AGMO: variants seen among roughly 807,000 people sequenced by gnomAD.
The protein encoded by AGMO is glyceryl-ether monooxygenase.
In AGMO, 75 loss-of-function variants were observed where a neutral mutation model predicts 60.2. The ratio of observed to expected loss-of-function variants is 1.25; its 90% CI spans 1.03 to 1.51. AGMO has a LOEUF of 1.51. AGMO is among the 40% of genes most tolerant of loss of function. The probability of loss-of-function intolerance (pLI) is 0.00; values close to 1 mark genes in which losing one functional copy is unlikely to be tolerated. For synonymous variants in AGMO, 261 were observed against 177.1 expected (o/e 1.47, Z -3.76); for missense variants, 763 against 525.5 (o/e 1.45, Z -4.42).
chr7:15,250,247 A>G (rs1168126013), intron 12 of AGMO, among the ~76,000 whole-genome samples: 1 of 152,184 alleles, frequency 6.6e-6, no homozygotes, highest in Non-Finnish European at 1.5e-5. Context: ...TTGGTTATCA[A>G]AAAAGTATTT....
intron 12 of AGMO, among the ~76,000 whole-genome samples, chr7:15,315,280 T>C (rs1287966650): frequency 6.6e-6 from 1 of 150,812 alleles, no homozygotes; most frequent in African/African-American, 2.4e-5. Flanking sequence ...TTTTTAAGTA[T>C]GATTGAGATG....
At chr7:15,147,422 G>A in the AGMO span, among the ~76,000 whole-genome samples, 10 of 152,240 alleles carry the variant, frequency 6.6e-5, no homozygotes, top group East Asian at 1.2e-3. Context: ...GAGAGAGGAC[G>A]TGTAGGGGAA....
intron 5 of AGMO, among the ~76,000 whole-genome samples, chr7:15,402,345 A>T (rs76532307): frequency 0.11 from 16,238 of 144,174 alleles, 1,118 homozygotes; most frequent in South Asian, 0.21. Context: ...TTGTTCATTT[A>T]TTCTTTCATC....
intron 3 of AGMO, among the ~76,000 whole-genome samples, chr7:15,432,225 T>C (rs1453224185): frequency 6.6e-6 from 1 of 151,256 alleles, no homozygotes; most frequent in African/African-American, 2.4e-5. Context: ...GTTAATTTTC[T>C]TTGCAGTTGC....
chr7:15,277,892 G>A (rs192116712), intron 12 of AGMO, among the ~76,000 whole-genome samples: 28 of 152,268 alleles, frequency 1.8e-4, no homozygotes, highest in African/African-American at 6.7e-4. Context: ...ATATCCCAAT[G>A]ATGACAAGGG....
rs117311657 is a variant in AGMO, at chr7:15,426,998, A to C, written c.513+4007T>G. On this transcript the variant is annotated intron_variant, in intron 4 of 12. Coordinates refer to ENST00000342526, the MANE Select transcript of AGMO (RefSeq NM_001004320.2). Reference sequence around the variant, plus strand: ...TCTATTATATTCCTTTCTCTAAACTATAGGCAGAGTTAGCTTCATTCGAAT... The same window carrying C: ...TCTATTATATTCCTTTCTCTAAACTCTAGGCAGAGTTAGCTTCATTCGAAT... Among the ~76,000 whole-genome samples, 923 of 152,288 alleles carry C rather than the reference A, an allele frequency of 6.1e-3. 3 individuals carry two copies. Among genetic ancestry groups the C allele is most frequent in the Middle Eastern group, 0.027 (8 of 294 alleles).
In AGMO at chr7:15,561,719, C is replaced by G; in HGVS notation, c.126+1G>C. ...AGTAGCCTCTTCCAATAAAGTCTCA[C>G]CTTTTTTACATAATCAGGCACCTCT... On this transcript the variant is annotated splice_donor_variant, in intron 1 of 12. Coordinates refer to ENST00000342526, the MANE Select transcript of AGMO (RefSeq NM_001004320.2). LOFTEE classifies it high-confidence loss of function. The G allele has an allele frequency of 6.2e-7, 1 of 1,602,880 alleles. No homozygotes were observed. The highest frequency in any genetic ancestry group is 8.5e-7 in the Non-Finnish European group (1 of 1,173,580).
chr7:15,272,764 T>G (rs1224205442), intron 12 of AGMO, among the ~76,000 whole-genome samples: 10 of 152,200 alleles, frequency 6.6e-5, no homozygotes, highest in Admixed American at 6.5e-4. Flanking sequence ...AAAGTGTTCC[T>G]ATTTCTCCAC....
intron 4 of AGMO, among the ~76,000 whole-genome samples, chr7:15,424,401 A>G (rs1012169772): frequency 1.3e-5 from 2 of 152,202 alleles, no homozygotes; most frequent in Non-Finnish European, 2.9e-5. Context: ...CCACTTGTAC[A>G]TTTTAAATAT....
chr7:15,316,105 C>A (rs1221526812), intron 12 of AGMO, among the ~76,000 whole-genome samples: 1 of 152,164 alleles, frequency 6.6e-6, no homozygotes, highest in African/African-American at 2.4e-5. Context: ...ATCAAAATGG[C>A]AGCCACTAGA....
chr7:15,399,132 A>C (rs1784483720), intron 5 of AGMO, among the ~76,000 whole-genome samples: 1 of 152,146 alleles, frequency 6.6e-6, no homozygotes, highest in Non-Finnish European at 1.5e-5. Context: ...CTCTGAAGCA[A>C]TGCTCTAAAT....
chr7:15,248,227 T>TATATATATGTATATATA (rs1413598774), intron 12 of AGMO, among the ~76,000 whole-genome samples: 1 of 118,126 alleles, frequency 8.5e-6, no homozygotes, highest in Admixed American at 9.1e-5. Flanking sequence ...TATATATATC[T>TATATATATGTATATATA]TCATCTTCAA....
chr7:15,529,654 T>TGGAA lies in AGMO; in HGVS notation c.409+15117_409+15118insTTCC, dbSNP rs1583651081. Among the ~76,000 whole-genome samples, 2 of 26,608 alleles carry TGGAA rather than the reference T, an allele frequency of 7.5e-5. 1 individual carries two copies. Among genetic ancestry groups the TGGAA allele is most frequent in the African/African-American group, 3.3e-4 (2 of 6,068 alleles). The allele number at this position is 26,608 out of a possible 152,430, so 17.5% of individuals were successfully genotyped here. On this transcript the variant is annotated intron_variant, in intron 3 of 12. Transcript: ENST00000342526. ...ATAGAATATATATATATACTATATA[T>TGGAA]TCTATATATATTCTATATATATTCT...
chr7:15,500,420 A>G, intron 3 of AGMO, among the ~76,000 whole-genome samples: 1 of 151,938 alleles, frequency 6.6e-6, no homozygotes, highest in East Asian at 1.9e-4. Context: ...AAAGATTTTT[A>G]AAAAGTAATC....
In AGMO at chr7:15,433,569, A is replaced by G. The variant is rs1229421768; in HGVS notation, c.410-2461T>C. The stretch of plus-strand genomic sequence containing the variant: ...CAGTAGTTCTTTTGTGAACAAAATG[A>G]GAAAAACTTAATGCATTTATATGAT... On this transcript the variant is annotated intron_variant, in intron 3 of 12. Coordinates refer to ENST00000342526, the MANE Select transcript of AGMO (RefSeq NM_001004320.2). 2.0e-5 allele frequency among the ~76,000 whole-genome samples: 3 copies of G among 152,148 alleles called. No homozygotes were observed. The East Asian group carries it at 5.8e-4, about 29-fold the overall frequency.
intron 3 of AGMO, among the ~76,000 whole-genome samples, chr7:15,504,837 C>T (rs1047108372): frequency 1.3e-5 from 2 of 151,286 alleles, no homozygotes; most frequent in Non-Finnish European, 2.9e-5. Flanking sequence ...AAGAATGTCC[C>T]TAATCTGGAA....
intron 3 of AGMO, among the ~76,000 whole-genome samples, chr7:15,467,844 C>G (rs998834690): frequency 1.3e-5 from 2 of 151,992 alleles, no homozygotes; most frequent in African/African-American, 4.8e-5. Flanking sequence ...AGAAGAGTGA[C>G]TTCATATGCC....
At chr7:15,140,502 T>C in the AGMO span, among the ~76,000 whole-genome samples, 1 of 152,208 alleles carries the variant, frequency 6.6e-6, no homozygotes, top group Non-Finnish European at 1.5e-5. Flanking sequence ...TCTGTCTTCA[T>C]AGGACTCTAA....
chr7:15,286,221 T>C (rs375514159), intron 12 of AGMO, among the ~76,000 whole-genome samples: 36 of 151,762 alleles, frequency 2.4e-4, no homozygotes, highest in African/African-American at 8.7e-4. Flanking sequence ...CAAAAATAAA[T>C]AGGACCTAAT....
Sources: allele counts gnomAD v4.1 joint callset (sites outside exome capture counted in the v4.1 genomes callset), GRCh38; gene constraint gnomAD v4.1.1; transcripts MANE v1.5; gene names NCBI Gene and HGNC (gene_info 2026-07-23, HGNC 2026-07-21).